SLX4IP: variants seen among roughly 807,000 people sequenced by gnomAD.
SLX4IP encodes the protein protein SLX4IP.
SLX4IP carries 34 observed loss-of-function variants against 32.9 expected under a neutral mutation model. The observed-to-expected ratio is 1.03, with a 90% CI of 0.79 to 1.38. The LOEUF (loss-of-function observed/expected upper bound fraction) is 1.38. Among genes scored for constraint, SLX4IP ranks in the 40% most tolerant of loss-of-function variants. The pLI is 0.00. For synonymous variants in SLX4IP, 172 were observed against 171.7 expected, an observed-to-expected ratio of 1.00 and a Z score of -0.01; for missense variants, 444 against 479.0, an observed-to-expected ratio of 0.93 and a Z score of 0.68.
intron 7 of SLX4IP, among the ~76,000 whole-genome samples, chr20:10,622,296 A>G (rs571027859): frequency 8.6e-4 from 125 of 145,296 alleles, no homozygotes; most frequent in Admixed American, 3.9e-3. Flanking sequence ...ACATTTGTGT[A>G]CACAGAGCCT....
At chr20:10,464,277 C>T (rs1411451393) in intron 2 of SLX4IP, among the ~76,000 whole-genome samples, 1 of 152,136 alleles carries the variant, frequency 6.6e-6, no homozygotes, top group African/African-American at 2.4e-5. Context: ...CTGCCTCAGC[C>T]TCCTGAGTAG....
intron 4 of SLX4IP, among the ~76,000 whole-genome samples, chr20:10,578,287 A>G (rs912661217): frequency 1.3e-5 from 2 of 152,204 alleles, no homozygotes; most frequent in African/African-American, 2.4e-5. Flanking sequence ...TTCTGTCTCT[A>G]TGGATTTGCC....
At chr20:10,501,961 G>A (rs553750624) in intron 2 of SLX4IP, among the ~76,000 whole-genome samples, 10 of 152,318 alleles carry the variant, frequency 6.6e-5, no homozygotes, top group East Asian at 3.9e-4. Flanking sequence ...AGAGCACACC[G>A]TTTGTCTTTA....
At chr20:10,486,321 C>G (rs2065573453) in intron 2 of SLX4IP, among the ~76,000 whole-genome samples, 1 of 146,866 alleles carries the variant, frequency 6.8e-6, no homozygotes, top group Non-Finnish European at 1.5e-5. Context: ...TGAAGGAGTT[C>G]AGAGATGAAG....
At chr20:10,579,530 C>T (rs1260749320) in intron 4 of SLX4IP, among the ~76,000 whole-genome samples, 4 of 151,988 alleles carry the variant, frequency 2.6e-5, no homozygotes, top group African/African-American at 9.7e-5. Flanking sequence ...CAGGTTCAAC[C>T]GATTCTCCAC....
At chr20:10,618,805 C>T (rs1466052435) in intron 6 of SLX4IP, among the ~76,000 whole-genome samples, 1 of 152,166 alleles carries the variant, frequency 6.6e-6, no homozygotes, top group African/African-American at 2.4e-5. Context: ...GGCGTTGTGC[C>T]TCCGGATAAG....
chr20:10,475,272 A>G (rs1421169048), intron 2 of SLX4IP, among the ~76,000 whole-genome samples: 1 of 152,208 alleles, frequency 6.6e-6, no homozygotes, highest in Non-Finnish European at 1.5e-5. Context: ...CAGTGATGAG[A>G]TGAGAATCCC....
chr20:10,518,609 T>C (rs1265367804), intron 2 of SLX4IP, among the ~76,000 whole-genome samples: 1 of 151,404 alleles, frequency 6.6e-6, no homozygotes, highest in East Asian at 1.9e-4. Flanking sequence ...AGGGTCTCAC[T>C]CTATCACCCA....
At chr20:10,602,380 A>G (rs949745965) in intron 6 of SLX4IP, among the ~76,000 whole-genome samples, 1 of 151,880 alleles carries the variant, frequency 6.6e-6, no homozygotes, top group Non-Finnish European at 1.5e-5. Context: ...GAGTTCCAGC[A>G]GGGCCTGCTT....
intron 6 of SLX4IP, among the ~76,000 whole-genome samples, chr20:10,620,624 G>A (rs963592917): frequency 2.0e-4 from 30 of 152,202 alleles, no homozygotes; most frequent in Non-Finnish European, 4.4e-5. Flanking sequence ...TGCCATCTCG[G>A]CTCACTGCAA....
intron 2 of SLX4IP, among the ~76,000 whole-genome samples, chr20:10,505,776 G>A (rs751113545): frequency 1.3e-4 from 20 of 151,018 alleles, no homozygotes; most frequent in East Asian, 1.9e-4. Context: ...TATTATATAC[G>A]TATAAATATA....
intron 4 of SLX4IP, among the ~76,000 whole-genome samples, chr20:10,576,772 A>G (rs1156506433): frequency 1.3e-5 from 2 of 152,174 alleles, no homozygotes; most frequent in African/African-American, 2.4e-5. Flanking sequence ...TATACCCACA[A>G]TATAAGTTGC....
At chr20:10,611,547 G>T (rs112822828) in intron 6 of SLX4IP, among the ~76,000 whole-genome samples, 1 of 152,204 alleles carries the variant, frequency 6.6e-6, no homozygotes, top group African/African-American at 2.4e-5. Context: ...GGGAGGTGAG[G>T]CCTCTTGCCA....
chr20:10,443,691 G>T (rs941216969), intron 1 of SLX4IP, among the ~76,000 whole-genome samples: 1 of 152,126 alleles, frequency 6.6e-6, no homozygotes, highest in African/African-American at 2.4e-5. Flanking sequence ...GATATTGTTC[G>T]GATTTGTGTT....
chr20:10,495,232 A>G (rs537455440), intron 2 of SLX4IP, among the ~76,000 whole-genome samples: 40 of 152,220 alleles, frequency 2.6e-4, no homozygotes, highest in African/African-American at 9.4e-4. Flanking sequence ...GTATTTTGTG[A>G]TTGTCATTGT....
At chr20:10,614,028 T>C (rs2066998320) in intron 6 of SLX4IP, 1 of 1,410,582 alleles carries the variant, frequency 7.1e-7, no homozygotes, top group Non-Finnish European at 1.0e-6. Flanking sequence ...GGAATAGACT[T>C]TTTCCAGGAT....
At chr20:10,566,886 G>C (rs1451292458) in intron 4 of SLX4IP, among the ~76,000 whole-genome samples, 1 of 152,116 alleles carries the variant, frequency 6.6e-6, no homozygotes, top group African/African-American at 2.4e-5. Flanking sequence ...AGACATACAG[G>C]GCACATCCAA....
intron 2 of SLX4IP, among the ~76,000 whole-genome samples, chr20:10,543,675 C>T (rs2066133531): frequency 6.6e-6 from 1 of 152,202 alleles, no homozygotes; most frequent in Non-Finnish European, 1.5e-5. Flanking sequence ...AGTGAAAGAA[C>T]CACTTTGTTA....
intron 4 of SLX4IP, among the ~76,000 whole-genome samples, chr20:10,592,823 A>T (rs189629671): frequency 3.3e-5 from 5 of 151,688 alleles, no homozygotes; most frequent in Non-Finnish European, 7.4e-5. Context: ...TAGTAGAGAC[A>T]GGGTTTCACC....
Sources: gnomAD v4.1 joint callset for allele counts (sites outside exome capture counted in the v4.1 genomes callset) on GRCh38, gnomAD v4.1.1 for gene constraint, MANE v1.5 for transcripts, NCBI Gene and HGNC (gene_info 2026-07-23, HGNC 2026-07-21) for gene names.